TMEM232: variants seen among roughly 807,000 people sequenced by gnomAD.
The protein encoded by TMEM232 is transmembrane protein 232.
Under a neutral mutation model 78.8 loss-of-function variants are expected in TMEM232, and 80 were observed. That is an observed-to-expected ratio of 1.01 (90% confidence interval 0.85 to 1.22). The LOEUF (loss-of-function observed/expected upper bound fraction) is 1.22, where lower values mean the gene tolerates loss of function less well. TMEM232 is among the 50% of genes most tolerant of loss of function. TMEM232 has a pLI of 0.00. For missense variants in TMEM232, 881 were observed against 742.2 expected, an observed-to-expected ratio of 1.19 and a Z score of -2.17; for synonymous variants, 297 against 254.3, an observed-to-expected ratio of 1.17 and a Z score of -1.60.
chr5:110,456,765 A>G (rs1760956261), intron 12 of TMEM232, among the ~76,000 whole-genome samples: 2 of 152,146 alleles, frequency 1.3e-5, no homozygotes, highest in African/African-American at 2.4e-5. Context: ...TGCAATTACA[A>G]TGGATAAAGA....
intron 12 of TMEM232, among the ~76,000 whole-genome samples, chr5:110,444,555 C>T (rs917305395): frequency 1.1e-4 from 17 of 152,072 alleles, no homozygotes; most frequent in Middle Eastern, 3.2e-3. Context: ...GATGCTTTTC[C>T]GTGACAGTTG....
chr5:110,688,722 A>G (rs563004587), intron 1 of TMEM232, among the ~76,000 whole-genome samples: 1 of 152,194 alleles, frequency 6.6e-6, no homozygotes, highest in East Asian at 1.9e-4. Flanking sequence ...GGGACCCCAA[A>G]CTCATTTAGC....
At chr5:110,717,183 A>AC (rs200744796) in intron 1 of TMEM232, among the ~76,000 whole-genome samples, 3,615 of 149,070 alleles carry the variant, frequency 0.024, 46 homozygotes, top group African/African-American at 0.033. Flanking sequence ...TTGTTACCCC[A>AC]CCCCCCGCCA....
chr5:110,495,766 T>A (rs2149430805), intron 12 of TMEM232, among the ~76,000 whole-genome samples: 1 of 151,788 alleles, frequency 6.6e-6, no homozygotes, highest in South Asian at 2.1e-4. Flanking sequence ...TAACTTAATG[T>A]CACATTTGTA....
chr5:110,718,749 G>A (rs1208683330), intron 1 of TMEM232, among the ~76,000 whole-genome samples: 1 of 151,718 alleles, frequency 6.6e-6, no homozygotes, highest in East Asian at 1.9e-4. Flanking sequence ...GTGCTTAAGG[G>A]TTACCATATT....
intron 3 of TMEM232, among the ~76,000 whole-genome samples, chr5:110,392,133 G>A (rs894377876): frequency 1.3e-5 from 2 of 152,162 alleles, no homozygotes; most frequent in African/African-American, 2.4e-5. Flanking sequence ...AAGGTAGCAG[G>A]GACCATTCTT....
At chr5:110,588,206 T>C in intron 10 of TMEM232, among the ~76,000 whole-genome samples, 1 of 152,156 alleles carries the variant, frequency 6.6e-6, no homozygotes, top group East Asian at 1.9e-4. Context: ...ATTTCACAAC[T>C]GTGACATATA....
At chr5:110,508,092 G>T (rs1386672464) in intron 12 of TMEM232, among the ~76,000 whole-genome samples, 1 of 151,986 alleles carries the variant, frequency 6.6e-6, no homozygotes, top group Non-Finnish European at 1.5e-5. Context: ...TTTTCTTTAA[G>T]CAAATAGTTT....
chr5:110,558,986 T>G (rs923720082), intron 11 of TMEM232, among the ~76,000 whole-genome samples: 3 of 152,112 alleles, frequency 2.0e-5, no homozygotes, highest in African/African-American at 7.2e-5. Flanking sequence ...TCTGCATTCT[T>G]CCTCTGTCCA....
chr5:110,468,741 T>A (rs1762356651), intron 12 of TMEM232, among the ~76,000 whole-genome samples: 1 of 152,114 alleles, frequency 6.6e-6, no homozygotes, highest in Non-Finnish European at 1.5e-5. Flanking sequence ...GATCCTTTCA[T>A]AATAATAAAA....
intron 12 of TMEM232, among the ~76,000 whole-genome samples, chr5:110,500,246 G>A (rs150426931): frequency 0.028 from 3,713 of 134,258 alleles, 156 homozygotes; most frequent in African/African-American, 0.1. Context: ...CCGAGACTGC[G>A]CCACTGCACT....
At chr5:110,691,592 G>C (rs1481457777) in intron 1 of TMEM232, among the ~76,000 whole-genome samples, 14 of 152,184 alleles carry the variant, frequency 9.2e-5, no homozygotes, top group Admixed American at 6.5e-5. Context: ...TACTAAAACT[G>C]AACTCTCCTC....
At chr5:110,683,995 T>C (rs532593934) in intron 1 of TMEM232, among the ~76,000 whole-genome samples, 17 of 152,138 alleles carry the variant, frequency 1.1e-4, no homozygotes, top group South Asian at 8.3e-4. Context: ...ATAATTCCAT[T>C]AAATTCAGTT....
intron 7 of TMEM232, among the ~76,000 whole-genome samples, chr5:110,624,870 C>T (rs1426384665): frequency 1.3e-5 from 2 of 151,882 alleles, no homozygotes; most frequent in Admixed American, 6.6e-5. Flanking sequence ...TAATGTTAAA[C>T]GTATTTTTCC....
intron 12 of TMEM232, among the ~76,000 whole-genome samples, chr5:110,454,744 A>G (rs536292563): frequency 1.3e-5 from 2 of 152,100 alleles, no homozygotes; most frequent in African/African-American, 4.8e-5. Context: ...TAGAAAAAAA[A>G]CCTCTTGAAT....
intron 11 of TMEM232, among the ~76,000 whole-genome samples, chr5:110,559,057 T>C (rs915070732): frequency 6.6e-6 from 1 of 152,142 alleles, no homozygotes; most frequent in African/African-American, 2.4e-5. Flanking sequence ...TCTAGTAACT[T>C]GGTGAAAGAA....
intron 12 of TMEM232, among the ~76,000 whole-genome samples, chr5:110,524,608 T>C (rs1231241247): frequency 6.6e-6 from 1 of 152,052 alleles, no homozygotes; most frequent in African/African-American, 2.4e-5. Context: ...GTGAGATGAG[T>C]GTGTATGCTG....
intron 12 of TMEM232, among the ~76,000 whole-genome samples, chr5:110,425,764 G>A (rs1337849756): frequency 5.9e-5 from 9 of 151,958 alleles, no homozygotes; most frequent in Admixed American, 5.9e-4. Context: ...CTGGATGAAG[G>A]CTTCATGTTC....
At chr5:110,507,475 T>C (rs780470819) in intron 12 of TMEM232, among the ~76,000 whole-genome samples, 7 of 152,320 alleles carry the variant, frequency 4.6e-5, no homozygotes, top group East Asian at 1.9e-4. Flanking sequence ...AAGTTTACCC[T>C]GGGTTAATCC....
Sources: allele counts gnomAD v4.1 joint callset (sites outside exome capture counted in the v4.1 genomes callset), GRCh38; gene constraint gnomAD v4.1.1; transcripts MANE v1.5; gene names NCBI Gene and HGNC (gene_info 2026-07-23, HGNC 2026-07-21).